FAM20A: variants seen among roughly 807,000 people sequenced by gnomAD.
FAM20A encodes pseudokinase FAM20A.
In FAM20A, 42 loss-of-function variants were observed where a neutral mutation model predicts 52.0. That is an observed-to-expected ratio of 0.81 (90% CI 0.63 to 1.04). The LOEUF is 1.04. FAM20A is among the 50% of genes least tolerant of loss of function. The pLI, the probability that FAM20A is intolerant of heterozygous loss-of-function variation, is 0.00. For synonymous variants in FAM20A, 304 were observed against 298.9 expected (o/e 1.02, Z -0.18); for missense variants, 742 against 712.7 (o/e 1.04, Z -0.47).
rs2088609815 is a variant in FAM20A, at chr17:68,601,008, C to T, written c.-342G>A. 1.3e-5 allele frequency: 2 copies of T among 159,340 alleles called. No individual in the cohort carries two copies. Among genetic ancestry groups the T allele is most frequent in the African/African-American group, 2.4e-5 (1 of 41,604 alleles). 9.9% of individuals were successfully genotyped at this position (159,340 alleles called of 1,614,324 possible). A position where few individuals can be genotyped will look rare whatever the true frequency, so the allele number is the denominator to read the frequency against. On this transcript the variant is annotated 5_prime_UTR_variant, in exon 1 of 11. Coordinates refer to ENST00000592554, the MANE Select transcript of FAM20A (RefSeq NM_017565.4). ...TCGCGGCAGGTGAAGGGCCCCGGGGCGCCGGCGCCGGCTGCCACCGCGGGC... is the reference window on the plus strand; with the variant it reads ...TCGCGGCAGGTGAAGGGCCCCGGGGTGCCGGCGCCGGCTGCCACCGCGGGC...
chr17:68,538,595 T>C (rs2086163998), intron 10 of FAM20A, among the ~76,000 whole-genome samples: 1 of 152,274 alleles, frequency 6.6e-6, no homozygotes, highest in African/African-American at 2.4e-5. Context: ...GCAAGGGCCT[T>C]CGTGCCTTCT....
intron 1 of FAM20A, among the ~76,000 whole-genome samples, chr17:68,577,521 G>A (rs970702783): frequency 1.3e-5 from 2 of 152,214 alleles, no homozygotes; most frequent in South Asian, 4.1e-4. Context: ...AGAGTGCTGA[G>A]GGCTGTTGTA....
intron 1 of FAM20A, among the ~76,000 whole-genome samples, chr17:68,586,874 G>A (rs551406219): frequency 1.3e-5 from 2 of 152,054 alleles, no homozygotes; most frequent in Admixed American, 1.3e-4. Flanking sequence ...GATGGTTCAA[G>A]ACTTGACTTC....
intron 4 of FAM20A, among the ~76,000 whole-genome samples, 173 bp from the exon 5 acceptor site, chr17:68,543,894 A>C (rs533417973): frequency 1.1e-4 from 17 of 152,302 alleles, no homozygotes; most frequent in African/African-American, 4.1e-4. Flanking sequence ...CGCCAGGAGA[A>C]GACAAGCAAA....
chr17:68,558,536 C>T (rs75241457), intron 1 of FAM20A: 3,468 of 197,058 alleles, frequency 0.018, 79 homozygotes, highest in African/African-American at 0.054. Flanking sequence ...GGCACCTCCC[C>T]GCTCACTCTC....
chr17:68,542,567 T>C (rs1190299495), intron 6 of FAM20A, 127 bp downstream of exon 6: 2 of 773,746 alleles, frequency 2.6e-6, no homozygotes, highest in Non-Finnish European at 4.6e-6. Flanking sequence ...GTCTTACAAC[T>C]TCATACGCCC....
chr17:68,575,525 TATA>T (rs2087718031), intron 1 of FAM20A, among the ~76,000 whole-genome samples: 1 of 69,422 alleles, frequency 1.4e-5, no homozygotes, highest in Non-Finnish European at 2.5e-5. Context: ...TTATATATTA[TATA>T]ATATATATTT....
rs1442624946 is a variant in FAM20A at position 68,600,632 on chromosome 17, A to T, written c.35T>A (p.Leu12Gln). 1 of 1,559,684 alleles carries T rather than the reference A, an allele frequency of 6.4e-7. No homozygotes were observed. The highest frequency in any genetic ancestry group is 1.2e-5 in the South Asian group (1 of 85,458). Residue 12 changes from leucine (L) to glutamine (Q), a missense_variant, in exon 1 of 11, where the codon CTG becomes CAG. Physicochemically the swap from Leu to Gln is moderately radical, Grantham distance 113 (BLOSUM62 -2). Coordinates refer to ENST00000592554, the MANE Select transcript of FAM20A (RefSeq NM_017565.4). The surrounding 1 kb of genome is among the most constrained non-coding windows in gnomAD (Gnocchi z 6.2). Reference sequence around the variant, plus strand: ...GGAGAGCAGCGCGCCCAGCAGCAGCAGAGTCAGTAGGCGGTCCCGGCGCAG... The same window carrying T: ...GGAGAGCAGCGCGCCCAGCAGCAGCTGAGTCAGTAGGCGGTCCCGGCGCAG... ...PGLRRDRLLT[L>Q]LLLGALLSAD...
Position 68,581,737 on chromosome 17 carries a change from G to A in FAM20A, c.404+18526C>T, listed in dbSNP as rs1310086964. 4.6e-5 allele frequency among the ~76,000 whole-genome samples: 7 copies of A among 151,522 alleles called. No individual in the cohort carries two copies. In the East Asian group the frequency reaches 5.8e-4, roughly 13 times the overall value. ...ACTACAGGTGTGCACCACCATGCCC[G>A]GCTAATTTTTGTATTTTTAGTAGAG... On this transcript the variant is annotated intron_variant, in intron 1 of 10. Coordinates refer to ENST00000592554, the MANE Select transcript of FAM20A (RefSeq NM_017565.4).
intron 1 of FAM20A, among the ~76,000 whole-genome samples, chr17:68,561,319 A>C (rs1568751203): frequency 1.3e-5 from 2 of 152,138 alleles, no homozygotes; most frequent in African/African-American, 2.4e-5. Flanking sequence ...ATTTAGATAA[A>C]ATGTGTTAGG....
chr17:68,585,108 C>T (rs2088129758), intron 1 of FAM20A, among the ~76,000 whole-genome samples: 2 of 152,128 alleles, frequency 1.3e-5, no homozygotes, highest in South Asian at 2.1e-4. Flanking sequence ...CCCGCTGGCT[C>T]GCCTGTCACA....
chr17:68,600,449 C>A lies in FAM20A; in HGVS notation c.218G>T (p.Arg73Leu), dbSNP rs1279417191. The change falls in exon 1 of 11, where the codon CGA (arginine) becomes CTA (leucine). Residue 73 changes from arginine (R) to leucine (L), a missense_variant. Physicochemically the swap from Arg to Leu is moderately radical, Grantham distance 102 (BLOSUM62 -2). Transcript: ENST00000592554. The surrounding 1 kb of genome is among the most constrained non-coding windows in gnomAD (Gnocchi z 6.2). ...AGCCGGTTCAGTCCGGGGCTCGGTT[C>A]GGGAAAAGTTGTGCACGATCGTGCC... is the stretch of plus-strand genomic sequence containing the variant. ...DPGTIVHNFS[R>L]TEPRTEPAGG... is the part of the protein sequence containing the mutation. The A allele has an allele frequency of 2.5e-6, 4 of 1,610,946 alleles. No individual in the cohort carries two copies. Among genetic ancestry groups the A allele is most frequent in the Non-Finnish European group, 3.4e-6 (4 of 1,178,870 alleles).
At position 68,552,665 on chromosome 17, in the gene FAM20A, CCTTTTTT is replaced by C. The variant is rs1403424353; in HGVS notation, c.641-721_641-715del. Among the ~76,000 whole-genome samples the C allele has an allele frequency of 7.9e-4, 87 of 110,000 alleles. 6 individuals are homozygous for C. The Middle Eastern group carries it at 0.016, about 20-fold the overall frequency. The allele number at this position is 110,000 out of a possible 152,430, so 72.2% of individuals were successfully genotyped here. On this transcript the variant is annotated intron_variant, in intron 3 of 10. Transcript: ENST00000592554. ...CTGGAGCCCTGTAAACCTTTATTTT[CCTTTTTT>C]TTTTTTTTTTTTTTTTTTTTGAGAC...
chr17:68,565,806 T>C (rs1178868567), intron 1 of FAM20A, among the ~76,000 whole-genome samples: 1 of 152,130 alleles, frequency 6.6e-6, no homozygotes, highest in Non-Finnish European at 1.5e-5. Context: ...CTTCTTCCCT[T>C]CTCCACTCCA....
At chr17:68,571,529 T>G (rs753851034) in intron 1 of FAM20A, among the ~76,000 whole-genome samples, 1 of 152,184 alleles carries the variant, frequency 6.6e-6, no homozygotes, top group Non-Finnish European at 1.5e-5. Flanking sequence ...CCAAGAGCAC[T>G]CTGTCACACA....
chr17:68,541,735 A>G (rs2086304923), intron 7 of FAM20A: 1 of 434,340 alleles, frequency 2.3e-6, no homozygotes, highest in African/African-American at 2.0e-5. Flanking sequence ...TCAAGGAGAG[A>G]GTCTGAGTCT....
chr17:68,551,806 G>A (rs2086849871), intron 4 of FAM20A, 67 bp downstream of exon 4: 1 of 1,175,322 alleles, frequency 8.5e-7, no homozygotes, highest in Non-Finnish European at 1.2e-6. Context: ...ACTTTTATTA[G>A]TTTTTGGTCC....
intron 1 of FAM20A, among the ~76,000 whole-genome samples, chr17:68,571,994 A>ATATATAT (rs1555829244): frequency 1.2e-4 from 2 of 16,684 alleles, no homozygotes; most frequent in African/African-American, 1.0e-3. Context: ...ATACATATAT[A>ATATATAT]TATATATATA....
chr17:68,581,484 TTCTTTTTC>T (rs200622918), intron 1 of FAM20A, among the ~76,000 whole-genome samples: 22 of 126,492 alleles, frequency 1.7e-4, no homozygotes, highest in Admixed American at 6.5e-4. Flanking sequence ...CTTTCTTTCT[TTCTTTTTC>T]TTTCTTTCTT....
Sources: gnomAD v4.1 joint callset for allele counts (sites outside exome capture counted in the v4.1 genomes callset) on GRCh38, gnomAD v4.1.1 for gene constraint, Gnocchi (gnomAD v3.1) non-coding constraint, MANE v1.5 for transcripts, NCBI Gene and HGNC (gene_info 2026-07-23, HGNC 2026-07-21) for gene names.